The following TNFAIP8L3 variants were observed in gnomAD, a reference collection of about 807,000 sequenced individuals.
TNFAIP8L3 encodes the protein tumor necrosis factor alpha-induced protein 8-like protein 3.
In TNFAIP8L3, 7 loss-of-function variants were observed where a neutral mutation model predicts 11.8. The ratio of observed to expected loss-of-function variants is 0.59; its 90% CI spans 0.34 to 1.11. The LOEUF (loss-of-function observed/expected upper bound fraction) is 1.11, where lower values mean the gene tolerates loss of function less well. TNFAIP8L3 is among the 50% of genes most tolerant of loss of function. The pLI is 0.03. For missense variants in TNFAIP8L3, 219 were observed against 258.6 expected (o/e 0.85, Z 1.05); for synonymous variants, 98 against 103.8 (o/e 0.94, Z 0.34).
At chr15:51,095,483 T>A (rs1595621301), upstream of TNFAIP8L3, among the ~76,000 whole-genome samples, 1 of 151,788 alleles carries the variant, frequency 6.6e-6, no homozygotes, top group Admixed American at 6.6e-5. Flanking sequence ...GGGGGCTCGG[T>A]GAGTCTGAAC....
intron 1 of TNFAIP8L3, among the ~76,000 whole-genome samples, chr15:51,079,406 G>A (rs948379051): frequency 4.6e-5 from 7 of 152,316 alleles, no homozygotes; most frequent in Non-Finnish European, 8.8e-5. Flanking sequence ...ACTCCTTGAG[G>A]GCAGGGACCA....
intron 1 of TNFAIP8L3, among the ~76,000 whole-genome samples, chr15:51,067,156 C>G (rs1369347570): frequency 6.6e-6 from 1 of 152,168 alleles, no homozygotes; most frequent in Non-Finnish European, 1.5e-5. Flanking sequence ...TTACAAAAGG[C>G]ATTTGGGAAC....
intron 1 of TNFAIP8L3, among the ~76,000 whole-genome samples, chr15:51,080,221 T>G (rs2065381841): frequency 6.6e-6 from 1 of 152,254 alleles, no homozygotes; most frequent in Non-Finnish European, 1.5e-5. Context: ...AGCCAAGTCA[T>G]GTAGTGTCCT....
intron 1 of TNFAIP8L3, among the ~76,000 whole-genome samples, chr15:51,083,200 G>A (rs1288155021): frequency 6.6e-6 from 1 of 152,034 alleles, no homozygotes; most frequent in African/African-American, 2.4e-5. Flanking sequence ...AGATGCACAA[G>A]GAATCTTCAA....
chr15:51,093,054 T>C (rs2065483932), intron 1 of TNFAIP8L3, among the ~76,000 whole-genome samples: 1 of 152,196 alleles, frequency 6.6e-6, no homozygotes, highest in Non-Finnish European at 1.5e-5. Context: ...AAACATCTAC[T>C]GGAACTTTTA....
chr15:51,086,979 C>T (rs1198574529), intron 1 of TNFAIP8L3, among the ~76,000 whole-genome samples: 1 of 151,868 alleles, frequency 6.6e-6, no homozygotes, highest in Non-Finnish European at 1.5e-5. Context: ...ACTTCTGCCT[C>T]CCGAGTTCAA....
chr15:51,081,083 C>T (rs2065388585), intron 1 of TNFAIP8L3, among the ~76,000 whole-genome samples: 1 of 152,126 alleles, frequency 6.6e-6, no homozygotes, highest in African/African-American at 2.4e-5. Flanking sequence ...TGACTTAACT[C>T]CAGGAATGGC....
chr15:51,069,922 T>C (rs1206519135), intron 1 of TNFAIP8L3, among the ~76,000 whole-genome samples: 2 of 152,220 alleles, frequency 1.3e-5, no homozygotes, highest in Non-Finnish European at 2.9e-5. Context: ...TCTCACTTAT[T>C]TGAAACATTA....
At chr15:51,077,129 CCT>C (rs752828077) in intron 1 of TNFAIP8L3, among the ~76,000 whole-genome samples, 27 of 152,318 alleles carry the variant, frequency 1.8e-4, no homozygotes, top group Non-Finnish European at 3.2e-4. Context: ...TGCTCCCTCC[CCT>C]GTTTCCCTGG....
chr15:51,081,267 G>A (rs759915769), intron 1 of TNFAIP8L3, among the ~76,000 whole-genome samples: 20 of 152,222 alleles, frequency 1.3e-4, no homozygotes, highest in Non-Finnish European at 2.2e-4. Flanking sequence ...AGATGGGGAG[G>A]ACAGGGTGAA....
At chr15:51,062,909 G>C (rs1163092119) in intron 1 of TNFAIP8L3, among the ~76,000 whole-genome samples, 1 of 152,120 alleles carries the variant, frequency 6.6e-6, no homozygotes, top group African/African-American at 2.4e-5. Flanking sequence ...AGTTGAGAGT[G>C]AAAGAGGGAA....
At chr15:51,081,539 C>G (rs1166715904) in intron 1 of TNFAIP8L3, among the ~76,000 whole-genome samples, 1 of 152,218 alleles carries the variant, frequency 6.6e-6, no homozygotes, top group Non-Finnish European at 1.5e-5. Flanking sequence ...GGCCTTGATT[C>G]CACCTGTGTG....
In TNFAIP8L3 at chr15:51,079,541, G is replaced by C. The variant is rs2065376928; in HGVS notation, c.52+15003C>G. ...TCACACTCATGTCAGGAACAATAAT[G>C]ATAATGAGAGCTGGCATGTCCTCCA... On this transcript the variant is annotated intron_variant, in intron 1 of 1. Transcript: ENST00000637513. 2.0e-5 allele frequency among the ~76,000 whole-genome samples: 3 copies of C among 152,160 alleles called. No individual in the cohort carries two copies. The South Asian group carries it at 6.2e-4, about 32-fold the overall frequency.
chr15:51,094,634 C>G lies in TNFAIP8L3; in HGVS notation c.-39G>C. 2 of 1,431,188 alleles carry G rather than the reference C, an allele frequency of 1.4e-6. No homozygotes were observed. The highest frequency in any genetic ancestry group is 3.0e-5 in the East Asian group (1 of 32,868). The allele number at this position is 1,431,188 out of a possible 1,614,324, so 88.7% of individuals were successfully genotyped here. On this transcript the variant is annotated 5_prime_UTR_variant, in exon 1 of 2. Transcript: ENST00000637513. This position sits in a 1 kb window ranked among gnomAD's most constrained non-coding sequence, Gnocchi z 4.4. ...GGCTGGGCGTCCACGGCCACCCGCC[C>G]GTCTGCGGGGCGCTCGGGCAGCCGC...
chr15:51,090,293 C>G (rs1205380166), intron 1 of TNFAIP8L3, among the ~76,000 whole-genome samples: 6 of 152,200 alleles, frequency 3.9e-5, no homozygotes, highest in Non-Finnish European at 8.8e-5. Flanking sequence ...CATTTGCACC[C>G]TCCCTCTTCC....
chr15:51,082,214 C>G (rs1340442853), intron 1 of TNFAIP8L3, among the ~76,000 whole-genome samples: 10 of 152,050 alleles, frequency 6.6e-5, no homozygotes, highest in Non-Finnish European at 1.5e-5. Context: ...TGGTCAAGCC[C>G]ACTACCACCT....
intron 1 of TNFAIP8L3, among the ~76,000 whole-genome samples, chr15:51,080,740 C>T (rs1471833056): frequency 1.3e-5 from 2 of 152,244 alleles, no homozygotes; most frequent in Non-Finnish European, 2.9e-5. Flanking sequence ...GTAAGGTGTA[C>T]TTAAAAATGG....
intron 1 of TNFAIP8L3, among the ~76,000 whole-genome samples, chr15:51,079,892 A>G (rs997726228): frequency 1.8e-4 from 27 of 151,832 alleles, no homozygotes; most frequent in African/African-American, 6.5e-4. Flanking sequence ...AAGAAAGAAA[A>G]AAAAGAAAAG....
Position 51,094,731 on chromosome 15 carries a change from G to T in TNFAIP8L3, c.-136C>A, listed in dbSNP as rs1595620843. On this transcript the variant is annotated 5_prime_UTR_variant, in exon 1 of 2. Transcript: ENST00000637513. This position sits in a 1 kb window ranked among gnomAD's most constrained non-coding sequence, Gnocchi z 4.4. ...GGGCGGCGCGGGCTGGGCGGTGCGC[G>T]GCGGCAGCGGCCAGGGGGCGGCTCC... The T allele has an allele frequency of 2.0e-6, 2 of 981,562 alleles. No homozygotes were observed. The highest frequency in any genetic ancestry group is 1.8e-5 in the African/African-American group (1 of 56,394). 60.8% of individuals were successfully genotyped at this position (981,562 alleles called of 1,614,324 possible).
Sources: gnomAD v4.1 joint callset for allele counts (sites outside exome capture counted in the v4.1 genomes callset) on GRCh38, gnomAD v4.1.1 for gene constraint, Gnocchi (gnomAD v3.1) non-coding constraint, MANE v1.5 for transcripts, NCBI Gene and HGNC (gene_info 2026-07-23, HGNC 2026-07-21) for gene names.